Variants in TBCE observed in about 807,000 individuals in gnomAD.
TBCE encodes the protein tubulin-specific chaperone E.
Under a neutral mutation model 77.0 loss-of-function variants are expected in TBCE, and 53 were observed. The ratio of observed to expected loss-of-function variants is 0.69; its 90% CI spans 0.55 to 0.87. The LOEUF (loss-of-function observed/expected upper bound fraction) is 0.87. TBCE is among the 40% of genes least tolerant of loss of function. The probability of loss-of-function intolerance (pLI) is 0.00; values close to 1 mark genes in which losing one functional copy is unlikely to be tolerated. For synonymous variants in TBCE, 235 were observed against 241.3 expected (o/e 0.97, Z 0.24); for missense variants, 624 against 622.4 (o/e 1.00, Z -0.03).
In TBCE at chr1:235,380,286, A is replaced by G; in HGVS notation, c.100+137A>G. ...ACAAATTTTGACGAAATTAACAACT[A>G]ATTTATAGGTGCCTCCTGTATCCAG... On this transcript the variant is annotated intron_variant, in intron 2 of 16. Transcript: ENST00000642610. 4 of 748,112 alleles carry G rather than the reference A, an allele frequency of 5.3e-6. No individual in the cohort carries two copies. The South Asian group carries it at 6.2e-5, about 12-fold the overall frequency. 46.3% of individuals were successfully genotyped at this position (748,112 alleles called of 1,614,324 possible).
intron 2 of TBCE, 50 bp from the exon 3 acceptor site, chr1:235,401,453 A>G: frequency 2.0e-6 from 3 of 1,507,406 alleles, no homozygotes; most frequent in Non-Finnish European, 2.8e-6. Context: ...AAACTGGAGC[A>G]TTGCCTGTAT....
At chr1:235,395,583 C>T (rs956162974) in intron 2 of TBCE, among the ~76,000 whole-genome samples, 10 of 146,902 alleles carry the variant, frequency 6.8e-5, no homozygotes, top group African/African-American at 2.3e-4. Flanking sequence ...CTCGCTCTGT[C>T]GCCCAGGCTG....
intron 7 of TBCE, among the ~76,000 whole-genome samples, chr1:235,431,626 G>C (rs2102914778): frequency 6.7e-6 from 1 of 150,366 alleles, no homozygotes; most frequent in East Asian, 2.0e-4. Context: ...CTCCCAAAGT[G>C]CTGGGATTAG....
chr1:235,415,590 A>G (rs1487665968), intron 4 of TBCE: 7 of 152,160 alleles, frequency 4.6e-5, no homozygotes, highest in Non-Finnish European at 8.8e-5. Flanking sequence ...TAAAAGAATT[A>G]AGCTATAGTT....
chr1:235,428,622 T>G (rs1025088116), intron 6 of TBCE, among the ~76,000 whole-genome samples: 21 of 135,356 alleles, frequency 1.6e-4, no homozygotes, highest in Non-Finnish European at 2.7e-4. Flanking sequence ...CATTTAATCT[T>G]TAAGGACACT....
chr1:235,418,922 G>C (rs759622735), intron 4 of TBCE, among the ~76,000 whole-genome samples: 7 of 152,202 alleles, frequency 4.6e-5, no homozygotes, highest in Non-Finnish European at 1.0e-4. Context: ...AGGCCCTGGG[G>C]AGGGCCGGGC....
At chr1:235,397,632 A>G (rs950112393) in intron 2 of TBCE, among the ~76,000 whole-genome samples, 1 of 152,212 alleles carries the variant, frequency 6.6e-6, no homozygotes, top group Non-Finnish European at 1.5e-5. Flanking sequence ...GCTTGAGTCC[A>G]TGGAGAATAG....
intron 7 of TBCE, chr1:235,432,950 A>G: frequency 7.3e-7 from 1 of 1,368,556 alleles, no homozygotes; most frequent in Admixed American, 2.9e-5. Flanking sequence ...AATTAGGCTC[A>G]TGCGCAGTGT....
At chr1:235,390,508 T>G (rs1420242120) in intron 2 of TBCE, among the ~76,000 whole-genome samples, 5 of 152,008 alleles carry the variant, frequency 3.3e-5, no homozygotes, top group Non-Finnish European at 7.4e-5. Context: ...TCCCAGCACT[T>G]TGGGAGGCCA....
At chr1:235,400,760 TCTCGGCTCACTGCAAC>T (rs1416107941) in intron 2 of TBCE, among the ~76,000 whole-genome samples, 30 of 150,462 alleles carry the variant, frequency 2.0e-4, no homozygotes, top group South Asian at 1.5e-3. Flanking sequence ...AGTGGCATGA[TCTCGGCTCACTGCAAC>T]CTCCGCCTCC....
At chr1:235,384,759 A>C (rs182613705) in intron 2 of TBCE, among the ~76,000 whole-genome samples, 1 of 152,250 alleles carries the variant, frequency 6.6e-6, no homozygotes, top group East Asian at 1.9e-4. Flanking sequence ...ATCCTTTCAA[A>C]AAACCAGCTC....
At chr1:235,423,603 A>AG (rs1213225087) in intron 5 of TBCE, 5 of 153,914 alleles carry the variant, frequency 3.2e-5, no homozygotes, top group African/African-American at 1.2e-4. Flanking sequence ...GAGGCTGAGG[A>AG]GGAGGGGCAG....
At chr1:235,429,490 T>C (rs529104413) in intron 6 of TBCE, 1 of 152,190 alleles carries the variant, frequency 6.6e-6, no homozygotes, top group East Asian at 1.9e-4. Flanking sequence ...AATTGGGGAG[T>C]AGGAGAGGAG....
intron 2 of TBCE, among the ~76,000 whole-genome samples, chr1:235,400,360 A>G (rs537187363): frequency 7.7e-5 from 11 of 143,496 alleles, no homozygotes. Flanking sequence ...CTTGAAGACT[A>G]CCTTTATTGG....
intron 2 of TBCE, among the ~76,000 whole-genome samples, chr1:235,383,612 CTGTT>C (rs1423371370): frequency 7.8e-4 from 118 of 152,182 alleles, no homozygotes; most frequent in African/African-American, 2.4e-3. Flanking sequence ...ATTTGGCTCT[CTGTT>C]TGTCTGTTAT....
At chr1:235,384,919 T>C (rs1677899549) in intron 2 of TBCE, among the ~76,000 whole-genome samples, 1 of 151,840 alleles carries the variant, frequency 6.6e-6, no homozygotes, top group Non-Finnish European at 1.5e-5. Context: ...GGGTGTCAAT[T>C]TTGGATCTTT....
intron 2 of TBCE, 115 bp downstream of exon 2, chr1:235,380,264 A>G: frequency 1.0e-6 from 1 of 988,754 alleles, no homozygotes; most frequent in African/African-American, 1.6e-5. Flanking sequence ...TTATACCACA[A>G]ATTTTGACGA....
intron 3 of TBCE, among the ~76,000 whole-genome samples, chr1:235,406,654 C>G (rs1469821992): frequency 6.6e-6 from 1 of 151,802 alleles, no homozygotes; most frequent in Non-Finnish European, 1.5e-5. Context: ...GCCTCAGCCT[C>G]CTGAGTAGCT....
At chr1:235,412,162 C>T (rs1679829840) in intron 3 of TBCE, among the ~76,000 whole-genome samples, 1 of 2,110 alleles carries the variant, frequency 4.7e-4, no homozygotes, top group African/African-American at 2.3e-3. Context: ...CTCCCCTCCC[C>T]TTCCCCCCTC....
Sources: allele counts gnomAD v4.1 joint callset (sites outside exome capture counted in the v4.1 genomes callset), GRCh38; gene constraint gnomAD v4.1.1; transcripts MANE v1.5; gene names NCBI Gene and HGNC (gene_info 2026-07-23, HGNC 2026-07-21).